The following VPS8 variants were observed in gnomAD, a reference collection of about 807,000 sequenced individuals.
VPS8 encodes vacuolar protein sorting-associated protein 8 homolog.
A neutral mutation model predicts 216.4 loss-of-function variants in VPS8; 129 were observed. The ratio of observed to expected loss-of-function variants is 0.60; its 90% confidence interval spans 0.52 to 0.69. The LOEUF (loss-of-function observed/expected upper bound fraction) is 0.69, where lower values mean the gene tolerates loss of function less well. Among genes scored for constraint, VPS8 ranks in the 30% least tolerant of loss-of-function variants. The pLI, the probability that VPS8 is intolerant of heterozygous loss-of-function variation, is 0.00. For synonymous variants in VPS8, 571 were observed against 565.4 expected, an observed-to-expected ratio of 1.01 and a Z score of -0.14; for missense variants, 1,531 against 1,683.5, an observed-to-expected ratio of 0.91 and a Z score of 1.59.
intron 6 of VPS8, 76 bp from the exon 7 acceptor site, chr3:184,839,622 C>G: frequency 7.0e-7 from 1 of 1,430,068 alleles, no homozygotes; most frequent in Non-Finnish European, 9.5e-7. Flanking sequence ...GGAAGGCAGG[C>G]CAACAAATTC....
chr3:184,924,294 G>A (rs978664817), intron 29 of VPS8, among the ~76,000 whole-genome samples: 4 of 152,136 alleles, frequency 2.6e-5, no homozygotes, highest in Admixed American at 2.0e-4. Context: ...CAGATTTTTA[G>A]TAGGGCTTAT....
chr3:184,983,221 C>A, intron 42 of VPS8, 127 bp downstream of exon 42: 1 of 641,342 alleles, frequency 1.6e-6, no homozygotes, highest in Non-Finnish European at 2.4e-6. Flanking sequence ...TTGGCAATAG[C>A]TAAATATCTA....
intron 1 of VPS8, 24 bp from the exon 2 acceptor site, chr3:184,824,521 T>A: frequency 8.5e-7 from 1 of 1,175,900 alleles, no homozygotes; most frequent in Non-Finnish European, 1.2e-6. Flanking sequence ...TGTTTTGTTT[T>A]TGTTTTTTTC....
In VPS8 at chr3:184,914,969, C is replaced by A. The variant is rs780222041; in HGVS notation, c.2190-12C>A. The A allele has an allele frequency of 1.2e-6, 2 of 1,613,276 alleles. No individual in the cohort carries two copies. Among genetic ancestry groups the A allele is most frequent in the Admixed American group, 1.7e-5 (1 of 59,992 alleles). Reference sequence around the variant, plus strand: ...ACAAGTCACCATATCCATTCTCATTCTTTTCTTCTAGCTGTTGTCTAGCAG... The same window carrying A: ...ACAAGTCACCATATCCATTCTCATTATTTTCTTCTAGCTGTTGTCTAGCAG... On this transcript the variant is annotated splice_polypyrimidine_tract_variant and intron_variant, in intron 26 of 47. Transcript: ENST00000625842.
Position 184,936,317 on chromosome 3 carries a change from G to A in VPS8, c.2970G>A (p.Thr990=), listed in dbSNP as rs761329831. The A allele has an allele frequency of 1.0e-4, 164 of 1,610,372 alleles. No homozygotes were observed. Among genetic ancestry groups the A allele is most frequent in the Non-Finnish European group, 1.3e-4 (149 of 1,178,376 alleles). Residue 990 remains threonine (T), a synonymous_variant, in exon 35 of 48, where the codon ACG becomes ACA. Transcript: ENST00000625842. The part of the protein sequence containing the change: ...VATHFSGHIE[T]VIKKLQNQVL... ...CCCACTTTTCTGGACATATTGAAAC[G>A]GTCATTAAAAAACTTCAGGTACATA... is the stretch of plus-strand genomic sequence containing the variant.
chr3:184,935,923 C>G lies in VPS8; in HGVS notation c.2899-323C>G, dbSNP rs147625564. Among the ~76,000 whole-genome samples, 850 of 152,278 alleles carry G rather than the reference C, an allele frequency of 5.6e-3. 7 individuals carry two copies. The highest frequency in any genetic ancestry group is 0.014 in the Middle Eastern group (4 of 294). On this transcript the variant is annotated intron_variant, in intron 34 of 47. Coordinates refer to ENST00000625842, the MANE Select transcript of VPS8 (RefSeq NM_001009921.3). ...TAAGCTCCAGGGTGAAATGCATTGA[C>G]AGGAAATTTGGGAAGCTTTTGCTCC... is the stretch of plus-strand genomic sequence containing the variant.
At chr3:185,021,924 A>G (rs1047934446) in intron 45 of VPS8, among the ~76,000 whole-genome samples, 1 of 152,234 alleles carries the variant, frequency 6.6e-6, no homozygotes, top group Non-Finnish European at 1.5e-5. Context: ...CTAGTCAGAT[A>G]GTATCGAGTA....
intron 36 of VPS8, among the ~76,000 whole-genome samples, chr3:184,949,626 G>C (rs1744295024): frequency 1.3e-5 from 2 of 152,076 alleles, no homozygotes; most frequent in African/African-American, 4.8e-5. Flanking sequence ...GTCAATGCTT[G>C]TCAAGTTTGT....
intron 3 of VPS8, among the ~76,000 whole-genome samples, chr3:184,827,070 T>C (rs1718954117): frequency 6.6e-6 from 1 of 152,202 alleles, no homozygotes; most frequent in Non-Finnish European, 1.5e-5. Flanking sequence ...AATGTATAAA[T>C]CTATTTCAAA....
At chr3:184,938,388 A>C (rs1322759273) in intron 35 of VPS8, among the ~76,000 whole-genome samples, 1 of 152,228 alleles carries the variant, frequency 6.6e-6, no homozygotes, top group Non-Finnish European at 1.5e-5. Flanking sequence ...AAATAAGCCA[A>C]AAGACAATTA....
chr3:184,969,170 T>C (rs1307075126), intron 39 of VPS8, among the ~76,000 whole-genome samples: 2 of 152,228 alleles, frequency 1.3e-5, no homozygotes, highest in African/African-American at 4.8e-5. Context: ...CAGGCTGGAG[T>C]GCAGTGGCGC....
chr3:184,965,564 G>A (rs1215848125), intron 38 of VPS8, among the ~76,000 whole-genome samples: 1 of 152,194 alleles, frequency 6.6e-6, no homozygotes, highest in Non-Finnish European at 1.5e-5. Flanking sequence ...ATATAGGCAG[G>A]TCAGGCGAGA....
Position 184,981,338 on chromosome 3 carries a change from G to A in VPS8, c.3421-1228G>A, listed in dbSNP as rs1302276514. 6.6e-5 allele frequency among the ~76,000 whole-genome samples: 10 copies of A among 152,054 alleles called. No individual in the cohort carries two copies. The East Asian group carries it at 1.9e-3, about 29-fold the overall frequency. ...CGGCATGACAGGTGCACATGCTTGTGCCAGCATGGACAGCAGTGGTGTGGG... is the reference window on the plus strand; with the variant it reads ...CGGCATGACAGGTGCACATGCTTGTACCAGCATGGACAGCAGTGGTGTGGG... On this transcript the variant is annotated intron_variant, in intron 40 of 47. Transcript: ENST00000625842.
At chr3:184,929,256 C>T (rs976681566) in intron 32 of VPS8, among the ~76,000 whole-genome samples, 2 of 152,154 alleles carry the variant, frequency 1.3e-5, no homozygotes, top group Non-Finnish European at 1.5e-5. Context: ...TGCAGTGGTG[C>T]GATCATAGCT....
intron 46 of VPS8, 87 bp from the exon 47 acceptor site, chr3:185,048,392 C>T: frequency 8.0e-7 from 1 of 1,253,718 alleles, no homozygotes; most frequent in Admixed American, 1.8e-5. Flanking sequence ...AAGGAAGCAC[C>T]ATGTTATGCT....
intron 45 of VPS8, among the ~76,000 whole-genome samples, chr3:185,016,656 A>G (rs753169511): frequency 2.6e-5 from 4 of 152,208 alleles, no homozygotes; most frequent in African/African-American, 4.8e-5. Context: ...GGAGAAGGCA[A>G]TCCTGGCTGT....
At chr3:184,818,778 T>C (rs994049910) in intron 1 of VPS8, among the ~76,000 whole-genome samples, 3 of 152,172 alleles carry the variant, frequency 2.0e-5, no homozygotes, top group Non-Finnish European at 4.4e-5. Flanking sequence ...TGTGAAAAAG[T>C]ATCTCATATG....
intron 40 of VPS8, among the ~76,000 whole-genome samples, chr3:184,981,524 C>G (rs2109745495): frequency 6.6e-6 from 1 of 151,548 alleles, no homozygotes; most frequent in African/African-American, 2.4e-5. Context: ...ACCTCCGCCT[C>G]CCAGGTACAA....
intron 21 of VPS8, among the ~76,000 whole-genome samples, chr3:184,878,439 C>T (rs1368386158): frequency 6.6e-6 from 1 of 152,132 alleles, no homozygotes; most frequent in Admixed American, 6.5e-5. Flanking sequence ...TTATGTTAAT[C>T]GTTACTAAGC....
Sources: allele counts gnomAD v4.1 joint callset (sites outside exome capture counted in the v4.1 genomes callset), GRCh38; gene constraint gnomAD v4.1.1; transcripts MANE v1.5; gene names NCBI Gene and HGNC (gene_info 2026-07-23, HGNC 2026-07-21).